The following RPRD2 variants were observed in gnomAD, a reference collection of about 807,000 sequenced individuals.
The protein encoded by RPRD2 is regulation of nuclear pre-mRNA domain-containing protein 2.
A neutral mutation model predicts 104.4 loss-of-function variants in RPRD2; 12 were observed. The observed-to-expected ratio is 0.11, with a 90% confidence interval of 0.07 to 0.19. The LOEUF is 0.19. RPRD2 is among the 10% of genes least tolerant of loss of function. The probability of loss-of-function intolerance (pLI) is 1.00; values close to 1 mark genes in which losing one functional copy is unlikely to be tolerated. For synonymous variants in RPRD2, 714 were observed against 684.9 expected (o/e 1.04, Z -0.66); for missense variants, 1,543 against 1,790.1 (o/e 0.86, Z 2.49).
At chr1:150,402,343 G>A (rs1560172260) in intron 1 of RPRD2, among the ~76,000 whole-genome samples, 1 of 152,154 alleles carries the variant, frequency 6.6e-6, no homozygotes, top group East Asian at 1.9e-4. Flanking sequence ...CCAGAATACA[G>A]ATATAAAAAT....
At chr1:150,456,650 C>T (rs952707130) in intron 7 of RPRD2, among the ~76,000 whole-genome samples, 4 of 151,122 alleles carry the variant, frequency 2.6e-5, no homozygotes, top group Non-Finnish European at 5.9e-5. Context: ...AGCAGCCGAG[C>T]ACGGTGACTC....
At chr1:150,441,631 GTATTTT>G in intron 3 of RPRD2, 2 of 341,152 alleles carry the variant, frequency 5.9e-6, no homozygotes, top group Admixed American at 4.5e-5. Flanking sequence ...TTGTTAATTG[GTATTTT>G]TAAGCCTCCT....
At chr1:150,398,602 G>A (rs904437690) in intron 1 of RPRD2, among the ~76,000 whole-genome samples, 2 of 151,654 alleles carry the variant, frequency 1.3e-5, no homozygotes, top group Admixed American at 1.3e-4. Flanking sequence ...GCAGTGCAGT[G>A]GTGTGAACTC....
At chr1:150,424,828 C>T (rs188489680) in intron 2 of RPRD2, among the ~76,000 whole-genome samples, 354 of 152,190 alleles carry the variant, frequency 2.3e-3, no homozygotes, top group Non-Finnish European at 4.1e-3. Flanking sequence ...TAGTCATTTA[C>T]CAGGGACTGA....
intron 1 of RPRD2, among the ~76,000 whole-genome samples, chr1:150,375,450 A>C (rs1553879278): frequency 6.6e-6 from 1 of 152,190 alleles, no homozygotes; most frequent in East Asian, 1.9e-4. Context: ...AAATTTGCTC[A>C]CAGAGGCCAC....
intron 1 of RPRD2, among the ~76,000 whole-genome samples, chr1:150,388,192 A>G (rs1009423093): frequency 1.2e-4 from 18 of 151,968 alleles, no homozygotes; most frequent in Non-Finnish European, 5.9e-5. Context: ...TGCTGGGATT[A>G]TAGGCATGAG....
intron 1 of RPRD2, among the ~76,000 whole-genome samples, chr1:150,399,123 T>C (rs76711752): frequency 0.025 from 3,780 of 152,072 alleles, 152 homozygotes; most frequent in African/African-American, 0.086. Flanking sequence ...CACCCCATCC[T>C]TTGGAGTAGC....
chr1:150,399,350 G>A (rs1210400005), intron 1 of RPRD2, among the ~76,000 whole-genome samples: 7 of 152,144 alleles, frequency 4.6e-5, no homozygotes, highest in Admixed American at 3.3e-4. Context: ...TTTGCAAATA[G>A]CATGAGATAT....
chr1:150,416,445 C>G (rs1572429041), intron 1 of RPRD2, among the ~76,000 whole-genome samples: 1 of 151,946 alleles, frequency 6.6e-6, no homozygotes, highest in East Asian at 1.9e-4. Flanking sequence ...GGTCAAGGAA[C>G]TGAGAGACAA....
At chr1:150,372,595 G>A (rs145189825) in intron 1 of RPRD2, among the ~76,000 whole-genome samples, 161 of 151,988 alleles carry the variant, frequency 1.1e-3, no homozygotes, top group Middle Eastern at 6.8e-3. Flanking sequence ...AATAGAAGGC[G>A]ATAAATGCTC....
chr1:150,435,435 T>C (rs1553892902), intron 2 of RPRD2, among the ~76,000 whole-genome samples: 1 of 152,136 alleles, frequency 6.6e-6, no homozygotes, highest in African/African-American at 2.4e-5. Flanking sequence ...GCTAGGCCTC[T>C]TGCACCAGTT....
intron 1 of RPRD2, among the ~76,000 whole-genome samples, chr1:150,395,836 C>A (rs587653805): frequency 5.0e-4 from 76 of 152,264 alleles, no homozygotes; most frequent in African/African-American, 1.8e-3. Context: ...ATAATGACTT[C>A]TTTTCCTCTG....
chr1:150,403,211 C>A (rs782368140), intron 1 of RPRD2, among the ~76,000 whole-genome samples: 1 of 152,072 alleles, frequency 6.6e-6, no homozygotes, highest in African/African-American at 2.4e-5. Flanking sequence ...ATTATTATAG[C>A]GTGATTTAAT....
chr1:150,429,645 A>G (rs1665418563), intron 2 of RPRD2, among the ~76,000 whole-genome samples: 1 of 152,212 alleles, frequency 6.6e-6, no homozygotes, highest in Non-Finnish European at 1.5e-5. Context: ...AAAAAAGAAA[A>G]TGATAATATC....
intron 1 of RPRD2, among the ~76,000 whole-genome samples, chr1:150,379,163 A>T (rs1212971061): frequency 6.6e-6 from 1 of 151,104 alleles, no homozygotes; most frequent in Non-Finnish European, 1.5e-5. Flanking sequence ...TGCGCCTGTA[A>T]TCCCAGCTAC....
chr1:150,412,770 C>A (rs1664032275), intron 1 of RPRD2, among the ~76,000 whole-genome samples: 1 of 152,126 alleles, frequency 6.6e-6, no homozygotes, highest in African/African-American at 2.4e-5. Flanking sequence ...TCCCACTTCC[C>A]TACCTTGCTC....
rs2102451183 is a variant in RPRD2, at chr1:150,473,104, G to A, written c.4156G>A (p.Gly1386Arg). The A allele has an allele frequency of 1.2e-6, 2 of 1,614,022 alleles. No homozygotes were observed. Among genetic ancestry groups the A allele is most frequent in the East Asian group, 4.5e-5 (2 of 44,878 alleles). ...ACACCTGGGCCCACCCCATGGAGGA[G>A]GAGGTGGGGGAGGCAGCAACAGCAG... ...LEHLGPPHGG[G>R]GGGGSNSSSG... The change falls in exon 11 of 11, where the codon GGA becomes AGA. Residue 1386 changes from glycine (G) to arginine (R), a missense_variant. This residue lies in a region of RPRD2 where 880 missense variants were observed against 885.6 expected (regional missense o/e 0.99). Coordinates refer to ENST00000369068, the MANE Select transcript of RPRD2 (RefSeq NM_015203.5).
At chr1:150,435,840 T>C (rs1218551314) in intron 2 of RPRD2, among the ~76,000 whole-genome samples, 1 of 152,228 alleles carries the variant, frequency 6.6e-6, no homozygotes, top group Non-Finnish European at 1.5e-5. Context: ...GAAACAGCCT[T>C]CTGTTGGAAG....
intron 1 of RPRD2, among the ~76,000 whole-genome samples, chr1:150,365,533 C>A (rs1004092350): frequency 6.6e-6 from 1 of 152,192 alleles, no homozygotes; most frequent in Non-Finnish European, 1.5e-5. Context: ...TGACCAGAAA[C>A]AACTGCGATA....
Sources: gnomAD v4.1 joint callset for allele counts (sites outside exome capture counted in the v4.1 genomes callset) on GRCh38, gnomAD v4.1.1 for gene constraint, gnomAD v4.1.1 regional missense constraint, MANE v1.5 for transcripts, NCBI Gene and HGNC (gene_info 2026-07-23, HGNC 2026-07-21) for gene names.